The following B3GALNT2 variants were observed in gnomAD, a reference collection of about 807,000 sequenced individuals.
B3GALNT2 encodes the protein beta-1,3-N-acetylgalactosaminyltransferase 2, also known as UDP-GalNAc:beta-1,3-N-acetylgalactosaminyltransferase 2.
Under a neutral mutation model 61.1 loss-of-function variants are expected in B3GALNT2, and 53 were observed. The ratio of observed to expected loss-of-function variants is 0.87; its 90% CI spans 0.70 to 1.09. The LOEUF (loss-of-function observed/expected upper bound fraction) is 1.09, where lower values mean the gene tolerates loss of function less well. B3GALNT2 is among the 50% of genes least tolerant of loss of function. The probability of loss-of-function intolerance (pLI) is 0.00; values close to 1 mark genes in which losing one functional copy is unlikely to be tolerated. For missense variants in B3GALNT2, 544 were observed against 623.0 expected, an observed-to-expected ratio of 0.87 and a Z score of 1.35; for synonymous variants, 223 against 237.4, an observed-to-expected ratio of 0.94 and a Z score of 0.56.
chr1:235,504,003 G>C (rs563041422), intron 1 of B3GALNT2, 138 bp downstream of exon 1: 479 of 963,356 alleles, frequency 5.0e-4, no homozygotes, highest in Non-Finnish European at 6.1e-4. Flanking sequence ...AGGATGAAAA[G>C]AGCCGTTTGT....
Position 235,458,716 on chromosome 1 carries a change from A to G in B3GALNT2, c.912T>C (p.His304=). The part of the protein sequence containing the change: ...QRLIDHIRNL[H]EEDALLKEES... The stretch of plus-strand genomic sequence containing the variant: ...CCTCCTTCAGTAAGGCATCTTCCTC[A>G]TGGAGATTCCTTATATGATCAATAA... Residue 304 remains histidine, a synonymous_variant, in exon 8 of 12, where the codon CAT becomes CAC. Transcript: ENST00000366600. The G allele has an allele frequency of 1.9e-6, 3 of 1,613,286 alleles. No individual in the cohort carries two copies. The highest frequency in any genetic ancestry group is 8.5e-7 in the Non-Finnish European group (1 of 1,179,606).
chr1:235,455,786 T>C, intron 8 of B3GALNT2, 102 bp from the exon 9 acceptor site: 2 of 1,339,558 alleles, frequency 1.5e-6, no homozygotes, highest in Non-Finnish European at 2.0e-6. Context: ...CCTGTCATTA[T>C]CTAAATTTCT....
chr1:235,482,869 A>C lies in B3GALNT2; in HGVS notation c.555+1453T>G, dbSNP rs530895294. Reference sequence around the variant, plus strand: ...GAAACCCAAACCAAAAAACCCCCCAAAATACTAGACATAAAACAGAAAAAT... The same window carrying C: ...GAAACCCAAACCAAAAAACCCCCCACAATACTAGACATAAAACAGAAAAAT... On this transcript the variant is annotated intron_variant, in intron 4 of 11. Transcript: ENST00000366600. 1.2e-4 allele frequency among the ~76,000 whole-genome samples: 19 copies of C among 152,222 alleles called. No individual in the cohort carries two copies. In the South Asian group the frequency reaches 1.5e-3, roughly 12 times the overall value.
At chr1:235,461,034 C>T (rs1376329964) in intron 7 of B3GALNT2, among the ~76,000 whole-genome samples, 3 of 152,184 alleles carry the variant, frequency 2.0e-5, no homozygotes, top group East Asian at 1.9e-4. Context: ...TGGCAGGAGA[C>T]GTCAGGATTT....
chr1:235,460,091 C>T (rs1435563701), intron 7 of B3GALNT2, among the ~76,000 whole-genome samples: 3 of 134,434 alleles, frequency 2.2e-5, no homozygotes, highest in Non-Finnish European at 4.7e-5. Flanking sequence ...CTGCACCAGG[C>T]ATATAATGTT....
Position 235,449,440 on chromosome 1 carries a change from A to G in B3GALNT2, c.*766T>C, listed in dbSNP as rs1171102559. 2.0e-5 allele frequency: 3 copies of G among 153,464 alleles called. No homozygotes were observed. The highest frequency in any genetic ancestry group is 1.9e-4 in the East Asian group (1 of 5,238). The allele number at this position is 153,464 out of a possible 1,614,324, so 9.5% of individuals were successfully genotyped here. A position where few individuals can be genotyped will look rare whatever the true frequency, so the allele number is the denominator to read the frequency against. ...ACAAAATTTAGAAATATCCTTCCCG[A>G]TGGCACTAAAACCCTGAGAGGTATT... On this transcript the variant is annotated 3_prime_UTR_variant, in exon 12 of 12. Transcript: ENST00000366600.
Position 235,448,354 on chromosome 1 carries a change from A to G in B3GALNT2, c.*1852T>C. 6.2e-7 allele frequency: 1 copy of G among 1,613,980 alleles called. No individual in the cohort carries two copies. Reference sequence around the variant, plus strand: ...CTTTTCTTGTCTTTTGATAGGCTCCATGACAATTCAAAAGGTGAAGGGATT... The same window carrying G: ...CTTTTCTTGTCTTTTGATAGGCTCCGTGACAATTCAAAAGGTGAAGGGATT... On this transcript the variant is annotated 3_prime_UTR_variant, in exon 12 of 12. Coordinates refer to ENST00000366600, the MANE Select transcript of B3GALNT2 (RefSeq NM_152490.5).
Position 235,475,439 on chromosome 1 carries a change from G to A in B3GALNT2, c.652-4479C>T, listed in dbSNP as rs533296456. ...TGCTTACTGGACAAGCTATACTGGG[G>A]ACATGTGACTCCAGGCAATCACCAA... On this transcript the variant is annotated intron_variant, in intron 5 of 11. Transcript: ENST00000366600. Among the ~76,000 whole-genome samples the A allele has an allele frequency of 1.2e-3, 176 of 152,124 alleles. 2 individuals are homozygous for A. The highest frequency in any genetic ancestry group is 3.8e-3 in the African/African-American group (157 of 41,494).
At chr1:235,454,457 A>G (rs906733083) in intron 9 of B3GALNT2, 142 bp from the exon 10 acceptor site, 1 of 921,542 alleles carries the variant, frequency 1.1e-6, no homozygotes, top group African/African-American at 1.8e-5. Flanking sequence ...TTTTTTTTTG[A>G]GATGGAGTTT....
chr1:235,473,980 T>C (rs2102820577), intron 5 of B3GALNT2, among the ~76,000 whole-genome samples: 1 of 152,286 alleles, frequency 6.6e-6, no homozygotes, highest in African/African-American at 2.4e-5. Context: ...ACAAATTCAA[T>C]GAATAATTGA....
At chr1:235,460,867 G>A (rs1002631229) in intron 7 of B3GALNT2, among the ~76,000 whole-genome samples, 1 of 152,014 alleles carries the variant, frequency 6.6e-6, no homozygotes, top group African/African-American at 2.4e-5. Flanking sequence ...GACTACAGGC[G>A]AGAGCCACTA....
At chr1:235,464,194 T>TGA (rs1683576148) in intron 7 of B3GALNT2, 1 of 152,174 alleles carries the variant, frequency 6.6e-6, no homozygotes, top group Non-Finnish European at 1.5e-5. Flanking sequence ...TCCTTACATA[T>TGA]GACAGCAAAA....
At chr1:235,474,987 A>ATATATATAT (rs1180244284) in intron 5 of B3GALNT2, among the ~76,000 whole-genome samples, 4 of 35,578 alleles carry the variant, frequency 1.1e-4, no homozygotes, top group African/African-American at 1.1e-4. Context: ...ATATATATAT[A>ATATATATAT]TTTTTTTTTT....
intron 1 of B3GALNT2, among the ~76,000 whole-genome samples, chr1:235,503,870 A>C (rs704719): frequency 1.3e-5 from 2 of 152,156 alleles, no homozygotes; most frequent in East Asian, 1.9e-4. Flanking sequence ...GCCTGGGGAC[A>C]GGCGAAGGAC....
rs143983025 is a variant in B3GALNT2, at chr1:235,484,438, C to T, written c.439G>A (p.Val147Met). 2.0e-5 allele frequency: 33 copies of T among 1,614,174 alleles called. No individual in the cohort carries two copies. The highest frequency in any genetic ancestry group is 1.7e-4 in the African/African-American group (13 of 75,042). Reference protein sequence around the residue: ...SGLPEDRVVSVSFRVLYPIVI... With the variant: ...SGLPEDRVVSMSFRVLYPIVI... ...ATGGGGTAGAGAACTCGGAAACTCA[C>T]GCTGACAACTCGATCCTCAGGCAGC... Residue 147 changes from valine to methionine, a missense_variant, in exon 4 of 12, where the codon GTG becomes ATG. Transcript: ENST00000366600.
chr1:235,486,327 A>G (rs958469924), intron 3 of B3GALNT2, among the ~76,000 whole-genome samples: 3 of 152,226 alleles, frequency 2.0e-5, no homozygotes, highest in African/African-American at 7.2e-5. Context: ...ATGGACAACA[A>G]TACAATTTTT....
At chr1:235,469,535 C>G (rs988292890) in intron 6 of B3GALNT2, among the ~76,000 whole-genome samples, 1 of 151,986 alleles carries the variant, frequency 6.6e-6, no homozygotes, top group Non-Finnish European at 1.5e-5. Context: ...AATGAAAGTA[C>G]TCAATCTTAT....
At chr1:235,453,474 G>C (rs1314919095) in intron 10 of B3GALNT2, among the ~76,000 whole-genome samples, 1 of 134,682 alleles carries the variant, frequency 7.4e-6, no homozygotes, top group African/African-American at 2.8e-5. Context: ...TTTTTTTTTT[G>C]AGACAGAGTG....
rs547500693 is a variant in B3GALNT2, at chr1:235,492,090, T to C, written c.260+2591A>G. 3.9e-5 allele frequency among the ~76,000 whole-genome samples: 6 copies of C among 152,350 alleles called. No individual in the cohort carries two copies. In the East Asian group the frequency reaches 1.2e-3, roughly 29 times the overall value. On this transcript the variant is annotated intron_variant, in intron 2 of 11. Coordinates refer to ENST00000366600, the MANE Select transcript of B3GALNT2 (RefSeq NM_152490.5). The stretch of plus-strand genomic sequence containing the variant: ...GTATTCTACCACACATACTACATTA[T>C]TTGCTTACAGAAGTACTTAGTGTTG...
Sources: allele counts gnomAD v4.1 joint callset (sites outside exome capture counted in the v4.1 genomes callset), GRCh38; gene constraint gnomAD v4.1.1; transcripts MANE v1.5; gene names NCBI Gene and HGNC (gene_info 2026-07-23, HGNC 2026-07-21).